The following ALOX5AP variants were observed in gnomAD, a reference collection of about 807,000 sequenced individuals.
ALOX5AP encodes the protein arachidonate 5-lipoxygenase activating protein.
Under a neutral mutation model 18.5 loss-of-function variants are expected in ALOX5AP, and 9 were observed. The observed-to-expected ratio is 0.49, with a 90% CI of 0.29 to 0.85. The LOEUF is 0.85. ALOX5AP is among the 40% of genes least tolerant of loss of function. ALOX5AP has a pLI of 0.08. For synonymous variants in ALOX5AP, 81 were observed against 78.6 expected (o/e 1.03, Z -0.16); for missense variants, 172 against 202.5 (o/e 0.85, Z 0.91).
exon 1 of ALOX5AP, chr13:30,713,820 G>A: frequency 1.3e-6 from 2 of 1,534,144 alleles, no homozygotes; most frequent in Non-Finnish European, 1.7e-6. Context: ...GGGCACATTG[G>A]GAACATAAGC....
At chr13:30,760,265 GA>G (rs1323194830) in intron 4 of ALOX5AP, among the ~76,000 whole-genome samples, 1 of 145,956 alleles carries the variant, frequency 6.9e-6, no homozygotes, top group African/African-American at 2.5e-5. Flanking sequence ...GGAAGTGGAG[GA>G]GGGGGGGTGA....
chr13:30,752,198 T>C, intron 3 of ALOX5AP, 76 bp downstream of exon 3: 3 of 1,481,248 alleles, frequency 2.0e-6, no homozygotes, highest in East Asian at 4.5e-5. Flanking sequence ...AGGCTTTTTG[T>C]TGAAAGGACT....
intron 3 of ALOX5AP, among the ~76,000 whole-genome samples, chr13:30,753,587 A>T (rs1187235463): frequency 6.6e-6 from 1 of 152,080 alleles, no homozygotes; most frequent in Non-Finnish European, 1.5e-5. Context: ...AGACTGTAGA[A>T]TTTTTTTTAG....
chr13:30,761,058 A>G, intron 4 of ALOX5AP, among the ~76,000 whole-genome samples: 1 of 152,176 alleles, frequency 6.6e-6, no homozygotes, highest in Non-Finnish European at 1.5e-5. Flanking sequence ...CAGGTTCGGT[A>G]TCTGCCCACC....
chr13:30,722,282 G>T (rs1482678789), intron 1 of ALOX5AP, among the ~76,000 whole-genome samples: 1 of 152,226 alleles, frequency 6.6e-6, no homozygotes, highest in Non-Finnish European at 1.5e-5. Context: ...CCAGCTTTAT[G>T]ATGGGTAGAA....
chr13:30,739,090 CTCCACCGCCTCCACCGGCTGCTTCT>C (rs1461705207), intron 1 of ALOX5AP, among the ~76,000 whole-genome samples: 1 of 152,104 alleles, frequency 6.6e-6, no homozygotes, highest in Non-Finnish European at 1.5e-5. Context: ...AACCACCCCC[CTCCACCGCCTCCACCGGCTGCTTCT>C]TCCTGAACAC....
chr13:30,719,077 C>T (rs897516673), intron 1 of ALOX5AP, among the ~76,000 whole-genome samples: 4 of 152,158 alleles, frequency 2.6e-5, no homozygotes, highest in Admixed American at 2.6e-4. Flanking sequence ...TCACACTGAC[C>T]GGGTCTGAGT....
chr13:30,742,141 C>T (rs1305263831), intron 1 of ALOX5AP, among the ~76,000 whole-genome samples: 4 of 151,988 alleles, frequency 2.6e-5, no homozygotes, highest in African/African-American at 9.7e-5. Context: ...TATGGTGAAA[C>T]CCCAACTCTA....
At chr13:30,715,091 G>A (rs9579640) in intron 1 of ALOX5AP, among the ~76,000 whole-genome samples, 26,762 of 151,944 alleles carry the variant, frequency 0.18, 3,410 homozygotes, top group African/African-American at 0.35. Flanking sequence ...ACCTTGGACC[G>A]GTTGCTTGAG....
chr13:30,735,746 C>T (rs1362558217), intron 1 of ALOX5AP, 71 bp downstream of exon 1: 2 of 1,561,694 alleles, frequency 1.3e-6, no homozygotes, highest in African/African-American at 2.7e-5. Flanking sequence ...GGAAGTCAGG[C>T]TTAAACAATT....
In ALOX5AP at chr13:30,764,140, T is replaced by C; in HGVS notation, c.*34T>C. The C allele has an allele frequency of 6.3e-7, 1 of 1,597,478 alleles. No homozygotes were observed. The highest frequency in any genetic ancestry group is 8.6e-7 in the Non-Finnish European group (1 of 1,168,826). ...TGAATATGGGGTTGGTGTTCTCATC[T>C]AATCAATACCTACAAGTCATCATAA... On this transcript the variant is annotated 3_prime_UTR_variant, in exon 5 of 5. Coordinates refer to ENST00000380490, the MANE Select transcript of ALOX5AP (RefSeq NM_001629.4).
At chr13:30,753,093 C>T (rs946245222) in intron 3 of ALOX5AP, among the ~76,000 whole-genome samples, 8 of 152,302 alleles carry the variant, frequency 5.3e-5, no homozygotes, top group South Asian at 2.1e-4. Flanking sequence ...GGTCACCTGG[C>T]GGTGAGGCAC....
At chr13:30,752,624 A>G (rs996225791) in intron 3 of ALOX5AP, among the ~76,000 whole-genome samples, 2 of 152,142 alleles carry the variant, frequency 1.3e-5, no homozygotes, top group African/African-American at 4.8e-5. Flanking sequence ...AGACAAATCA[A>G]CTTCCAGAGT....
At chr13:30,746,444 C>T (rs142009509) in intron 2 of ALOX5AP, among the ~76,000 whole-genome samples, 6 of 152,330 alleles carry the variant, frequency 3.9e-5, no homozygotes, top group African/African-American at 1.2e-4. Context: ...GACACTGCTG[C>T]GGTTCTGTTA....
intron 4 of ALOX5AP, 131 bp downstream of exon 4, chr13:30,756,156 T>C (rs566207275): frequency 2.6e-6 from 2 of 756,162 alleles, no homozygotes; most frequent in East Asian, 5.6e-5. Flanking sequence ...GGGGGAAGGC[T>C]GACTAGGACC....
Position 30,745,009 on chromosome 13 carries a change from T to C in ALOX5AP, c.170+850T>C, listed in dbSNP as rs183649237. ...GAGTCATGGTCACCCAAGAAAAATG[T>C]ATTCAGAATGCCAAGAATGGTGCAA... On this transcript the variant is annotated intron_variant, in intron 2 of 4. Transcript: ENST00000380490. 3.9e-4 allele frequency among the ~76,000 whole-genome samples: 60 copies of C among 152,312 alleles called. 1 individual carries two copies. In the Middle Eastern group the frequency reaches 0.01, roughly 26 times the overall value.
chr13:30,747,591 C>T (rs1045992951), intron 2 of ALOX5AP, among the ~76,000 whole-genome samples: 1 of 152,164 alleles, frequency 6.6e-6, no homozygotes, highest in Admixed American at 6.5e-5. Context: ...CCTAAGATTC[C>T]TCTTTGTGAG....
At chr13:30,746,833 T>C (rs1372471792) in intron 2 of ALOX5AP, among the ~76,000 whole-genome samples, 1 of 152,254 alleles carries the variant, frequency 6.6e-6, no homozygotes, top group Non-Finnish European at 1.5e-5. Context: ...TGTTATAAGG[T>C]TGCATGCTCA....
chr13:30,757,085 T>C (rs986395255), intron 4 of ALOX5AP, among the ~76,000 whole-genome samples: 2 of 152,174 alleles, frequency 1.3e-5, no homozygotes, highest in Non-Finnish European at 2.9e-5. Flanking sequence ...ACACGTTCTG[T>C]GAGGCTGCTG....
Sources: allele counts gnomAD v4.1 joint callset (sites outside exome capture counted in the v4.1 genomes callset), GRCh38; gene constraint gnomAD v4.1.1; transcripts MANE v1.5; gene names NCBI Gene and HGNC (gene_info 2026-07-23, HGNC 2026-07-21).